Variants in DOP1B observed in about 807,000 individuals in gnomAD.
The protein encoded by DOP1B is DOP1 leucine zipper like protein B.
A neutral mutation model predicts 233.5 loss-of-function variants in DOP1B; 174 were observed. The observed-to-expected ratio is 0.75, with a 90% CI of 0.66 to 0.85. The LOEUF (loss-of-function observed/expected upper bound fraction) is 0.85. Among genes scored for constraint, DOP1B ranks in the 40% least tolerant of loss-of-function variants. The pLI, the probability that DOP1B is intolerant of heterozygous loss-of-function variation, is 0.00. For missense variants in DOP1B, 2,652 were observed against 2,846.6 expected, an observed-to-expected ratio of 0.93 and a Z score of 1.56; for synonymous variants, 1,190 against 1,185.6, an observed-to-expected ratio of 1.00 and a Z score of -0.08.
chr21:36,270,861 C>G (rs895064545), intron 27 of DOP1B, among the ~76,000 whole-genome samples: 29 of 146,462 alleles, frequency 2.0e-4, no homozygotes, highest in African/African-American at 6.9e-4. Flanking sequence ...TGCAGTGAGC[C>G]AAGATTGTAC....
chr21:36,208,780 G>C lies in DOP1B; in HGVS notation c.557G>C (p.Trp186Ser). The change falls in exon 5 of 37, where the codon TGG becomes TCG. Residue 186 changes from tryptophan (W) to serine (S), a missense_variant. Trp to Ser is a radical substitution (Grantham distance 177). Coordinates refer to ENST00000691173, the MANE Select transcript of DOP1B (RefSeq NM_001320714.2). ...AAAGAGGTGTTTTACACCGCCCTCTGGGGGAGCGTCCTGGCCAGCCCGTCC... is the reference window on the plus strand; with the variant it reads ...AAAGAGGTGTTTTACACCGCCCTCTCGGGGAGCGTCCTGGCCAGCCCGTCC... Reference protein sequence around the residue: ...VGKEVFYTALWGSVLASPSIR... With the variant: ...VGKEVFYTALSGSVLASPSIR... 5 of 1,612,858 alleles carry C rather than the reference G, an allele frequency of 3.1e-6. No homozygotes were observed. The highest frequency in any genetic ancestry group is 4.2e-6 in the Non-Finnish European group (5 of 1,179,476).
At chr21:36,277,769 C>T (rs187311804) in intron 28 of DOP1B, among the ~76,000 whole-genome samples, 308 of 152,038 alleles carry the variant, frequency 2.0e-3, no homozygotes, top group Middle Eastern at 6.8e-3. Flanking sequence ...GTTCTCCTGC[C>T]TCAGCCTCCT....
chr21:36,214,051 C>T (rs765820822), intron 7 of DOP1B, 30 bp from the exon 8 acceptor site: 1 of 1,541,684 alleles, frequency 6.5e-7, no homozygotes, highest in Non-Finnish European at 8.9e-7. Context: ...GCACAGCTCT[C>T]TTTACAGCTC....
chr21:36,210,234 G>A (rs368493514), intron 5 of DOP1B, among the ~76,000 whole-genome samples: 1 of 152,108 alleles, frequency 6.6e-6, no homozygotes, highest in African/African-American at 2.4e-5. Flanking sequence ...CCGGCTGGGT[G>A]CGGTGACTCA....
chr21:36,192,179 C>T (rs2066241156), intron 2 of DOP1B, among the ~76,000 whole-genome samples: 2 of 151,900 alleles, frequency 1.3e-5, no homozygotes, highest in Non-Finnish European at 2.9e-5. Flanking sequence ...GGCAACATGG[C>T]GAAACCCCAT....
At chr21:36,205,450 G>A (rs1295602791) in intron 4 of DOP1B, among the ~76,000 whole-genome samples, 6 of 151,974 alleles carry the variant, frequency 3.9e-5, no homozygotes, top group Admixed American at 2.0e-4. Context: ...GTGCAGCGGT[G>A]CAATCTTGGC....
At chr21:36,261,307 G>T (rs868690339) in intron 24 of DOP1B, 2 of 979,168 alleles carry the variant, frequency 2.0e-6, no homozygotes, top group African/African-American at 3.6e-5. Context: ...GGAGGTTGCA[G>T]CGAGCCAAGA....
At chr21:36,217,939 CTAACT>C (rs1164680277) in intron 9 of DOP1B, among the ~76,000 whole-genome samples, 1 of 152,202 alleles carries the variant, frequency 6.6e-6, no homozygotes, top group East Asian at 1.9e-4. Context: ...AACGTTGCTG[CTAACT>C]TGGCTCCAGG....
In DOP1B at chr21:36,164,806, T is replaced by C. The variant is rs537286931; in HGVS notation, c.73T>C (p.Leu25=). ...CTACTCTTCAGTGATTGAAAAGGCTTTGAGAAATTTTGAGTCCTCGAGTGA... is the reference window on the plus strand; with the variant it reads ...CTACTCTTCAGTGATTGAAAAGGCTCTGAGAAATTTTGAGTCCTCGAGTGA... ...RSYSSVIEKA[L]RNFESSSEWA... Residue 25 remains leucine (L), a synonymous_variant, in exon 2 of 37, where the codon TTG becomes CTG. Coordinates refer to ENST00000691173, the MANE Select transcript of DOP1B (RefSeq NM_001320714.2). 1.2e-6 allele frequency: 2 copies of C among 1,612,960 alleles called. No homozygotes were observed. The highest frequency in any genetic ancestry group is 2.7e-5 in the African/African-American group (2 of 74,970).
chr21:36,163,143 A>G (rs1424539994), intron 1 of DOP1B, among the ~76,000 whole-genome samples: 1 of 151,974 alleles, frequency 6.6e-6, no homozygotes, highest in Non-Finnish European at 1.5e-5. Flanking sequence ...TCAGGAGTTC[A>G]AGACCAGCCT....
rs539588065 is a variant in DOP1B, at chr21:36,200,650, T to C, written c.491+149T>C. On this transcript the variant is annotated intron_variant, in intron 4 of 36. Coordinates refer to ENST00000691173, the MANE Select transcript of DOP1B (RefSeq NM_001320714.2). ...CAAGGTCAGGAGATGGAGACCATCC[T>C]GGCTAACACGATGAAACCCTGCCTC... is the stretch of plus-strand genomic sequence containing the variant. 3.0e-6 allele frequency: 3 copies of C among 993,210 alleles called. No homozygotes were observed. In the African/African-American group the frequency reaches 5.0e-5, roughly 17 times the overall value. 61.5% of individuals were successfully genotyped at this position (993,210 alleles called of 1,614,324 possible).
At chr21:36,212,558 C>T (rs2066512102) in intron 7 of DOP1B, among the ~76,000 whole-genome samples, 1 of 152,112 alleles carries the variant, frequency 6.6e-6, no homozygotes, top group East Asian at 1.9e-4. Context: ...AGCCCCTGGG[C>T]CATGTTTCTG....
chr21:36,268,027 G>T (rs370076906), intron 26 of DOP1B, among the ~76,000 whole-genome samples: 11 of 152,172 alleles, frequency 7.2e-5, no homozygotes, highest in Non-Finnish European at 1.3e-4. Context: ...AGCGGTGCAC[G>T]TATTGTCTTG....
At position 36,243,862 on chromosome 21, in the gene DOP1B, G is replaced by A. The variant is rs552533017; in HGVS notation, c.3068-1186G>A. ...TAGCTTTTAAATTTTTTCTAGAGAT[G>A]GAGTTTTTCCATGTTGCCCAGGCTG... On this transcript the variant is annotated intron_variant, in intron 18 of 36. Coordinates refer to ENST00000691173, the MANE Select transcript of DOP1B (RefSeq NM_001320714.2). Among the ~76,000 whole-genome samples the A allele has an allele frequency of 1.2e-3, 187 of 151,812 alleles. 1 individual carries two copies. The highest frequency in any genetic ancestry group is 1.6e-3 in the Admixed American group (24 of 15,220).
chr21:36,174,782 G>A (rs554014113), intron 2 of DOP1B, among the ~76,000 whole-genome samples: 88 of 152,326 alleles, frequency 5.8e-4, no homozygotes, highest in African/African-American at 2.0e-3. Context: ...TTATAGGCGT[G>A]AGCCACCGTG....
intron 12 of DOP1B, among the ~76,000 whole-genome samples, chr21:36,227,411 G>C (rs1482528367): frequency 6.6e-6 from 1 of 151,190 alleles, no homozygotes; most frequent in Non-Finnish European, 1.5e-5. Flanking sequence ...GCCGGGCGTG[G>C]TGGTGGGCAC....
At chr21:36,213,510 G>A (rs148035874) in intron 7 of DOP1B, among the ~76,000 whole-genome samples, 7 of 152,004 alleles carry the variant, frequency 4.6e-5, no homozygotes, top group African/African-American at 1.7e-4. Flanking sequence ...GTGATCCTCA[G>A]CCAGGCATGG....
Position 36,208,742 on chromosome 21 carries a change from G to T in DOP1B, c.519G>T (p.Ser173=). The change falls in exon 5 of 37, where the codon TCG becomes TCT. Residue 173 remains serine (S), a synonymous_variant. Coordinates refer to ENST00000691173, the MANE Select transcript of DOP1B (RefSeq NM_001320714.2). The stretch of plus-strand genomic sequence containing the variant: ...CGGATGCTCTGCTCCTGAGACTGTC[G>T]CTGGTGGTTGGCAAAGAGGTGTTTT... ...DRTDALLLRL[S]LVVGKEVFYT... is the part of the protein sequence containing the mutation. 2 of 1,613,560 alleles carry T rather than the reference G, an allele frequency of 1.2e-6. No individual in the cohort carries two copies. Among genetic ancestry groups the T allele is most frequent in the Non-Finnish European group, 1.7e-6 (2 of 1,179,778 alleles).
chr21:36,245,341 G>A lies in DOP1B; in HGVS notation c.3361G>A (p.Asp1121Asn). The change falls in exon 19 of 37, where the codon GAC becomes AAC. Residue 1121 changes from aspartate to asparagine, a missense_variant. Coordinates refer to ENST00000691173, the MANE Select transcript of DOP1B (RefSeq NM_001320714.2). This position sits in a 1 kb window ranked among gnomAD's most constrained non-coding sequence, Gnocchi z 5.5. ...TGCAGATACAAGCTCCTGCCACACGGACAGCGAGAACACGTCCTCCTTCTC... is the reference window on the plus strand; with the variant it reads ...TGCAGATACAAGCTCCTGCCACACGAACAGCGAGAACACGTCCTCCTTCTC... ...ESADTSSCHT[D>N]SENTSSFSSP... 1 of 1,614,106 alleles carries A rather than the reference G, an allele frequency of 6.2e-7. No individual in the cohort carries two copies. The highest frequency in any genetic ancestry group is 2.2e-5 in the East Asian group (1 of 44,884).
Sources: allele counts gnomAD v4.1 joint callset (sites outside exome capture counted in the v4.1 genomes callset), GRCh38; gene constraint gnomAD v4.1.1; non-coding constraint Gnocchi (gnomAD v3.1); transcripts MANE v1.5; gene names NCBI Gene and HGNC (gene_info 2026-07-23, HGNC 2026-07-21).